SEC61A1: variants seen among roughly 807,000 people sequenced by gnomAD.
The protein encoded by SEC61A1 is protein transport protein Sec61 subunit alpha isoform 1.
In SEC61A1, 15 loss-of-function variants were observed where a neutral mutation model predicts 55.2. That is an observed-to-expected ratio of 0.27 (90% CI 0.18 to 0.42). The LOEUF is 0.42. Among genes scored for constraint, SEC61A1 ranks in the 10% least tolerant of loss-of-function variants. SEC61A1 has a pLI of 1.00. For missense variants in SEC61A1, 284 were observed against 602.6 expected (o/e 0.47, Z 5.53); for synonymous variants, 247 against 234.0 (o/e 1.06, Z -0.51).
intron 8 of SEC61A1, chr3:128,066,640 T>C: frequency 5.3e-6 from 2 of 374,082 alleles, no homozygotes; most frequent in South Asian, 8.1e-5. Context: ...CCCAGGCTGG[T>C]ATCGAACTTC....
intron 8 of SEC61A1, among the ~76,000 whole-genome samples, chr3:128,065,732 A>ATTTTTTTTTTTTTT (rs758640768): frequency 2.1e-5 from 2 of 97,528 alleles, no homozygotes; most frequent in Non-Finnish European, 1.9e-5. Context: ...ATCATTAAGA[A>ATTTTTTTTTTTTTT]TTTTTTTTTT....
At chr3:128,052,703 C>T in intron 1 of SEC61A1, 132 bp from the exon 2 acceptor site, 1 of 1,507,090 alleles carries the variant, frequency 6.6e-7, no homozygotes, top group Admixed American at 2.0e-5. Flanking sequence ...TCGAGTATCC[C>T]CACGCGTCCG....
chr3:128,051,801 C>CCG, upstream of SEC61A1: 1 of 1,533,378 alleles, frequency 6.5e-7, no homozygotes, highest in Non-Finnish European at 8.7e-7. Flanking sequence ...CGGCCCTTCT[C>CCG]CGGCCAAGTC....
chr3:128,068,153 G>GGTCA lies in SEC61A1; in HGVS notation c.1244+95_1244+98dup, dbSNP rs1458812270. ...TCCTGATAGGCCCTAGCACTTACTGGGTCACTAAATCTTATCCTTGGGTTA... is the reference window on the plus strand; with the variant it reads ...TCCTGATAGGCCCTAGCACTTACTGGGTCAGTCACTAAATCTTATCCTTGGGTTA... On this transcript the variant is annotated intron_variant, in intron 11 of 11. Transcript: ENST00000243253. The GGTCA allele has an allele frequency of 6.6e-5, 58 of 878,568 alleles. 1 individual carries two copies. In the East Asian group the frequency reaches 1.2e-3, roughly 18 times the overall value. 54.4% of individuals were successfully genotyped at this position (878,568 alleles called of 1,614,324 possible). A position where few individuals can be genotyped will look rare whatever the true frequency, so the allele number is the denominator to read the frequency against.
At chr3:128,057,081 G>A (rs929380631) in intron 5 of SEC61A1, among the ~76,000 whole-genome samples, 7 of 152,038 alleles carry the variant, frequency 4.6e-5, no homozygotes, top group African/African-American at 1.2e-4. Context: ...TTACAGGCAC[G>A]TGCCACCACA....
intron 5 of SEC61A1, among the ~76,000 whole-genome samples, chr3:128,059,387 C>T (rs1277537994): frequency 1.3e-5 from 2 of 151,620 alleles, no homozygotes. Flanking sequence ...GCAGGAAAAT[C>T]GCTTGAACCT....
At chr3:128,053,281 A>G (rs1172850687) in intron 2 of SEC61A1, among the ~76,000 whole-genome samples, 1 of 152,096 alleles carries the variant, frequency 6.6e-6, no homozygotes, top group Non-Finnish European at 1.5e-5. Flanking sequence ...TTTTCCCAGG[A>G]GATGCCCTTT....
In SEC61A1 at chr3:128,067,034, G is replaced by A. The variant is rs763828160; in HGVS notation, c.858G>A (p.Thr286=). The change falls in exon 9 of 12, where the codon ACG becomes ACA. Residue 286 remains threonine, a synonymous_variant. Coordinates refer to ENST00000243253, the MANE Select transcript of SEC61A1 (RefSeq NM_013336.4). This position sits in a 1 kb window ranked among gnomAD's most constrained non-coding sequence, Gnocchi z 4.1. ...YNTYPIKLFY[T]SNIPIILQSA... ...CCTATCCCATCAAGCTCTTCTATAC[G>A]TCCAACATCCCCATCATCCTGCAGT... The A allele has an allele frequency of 9.3e-6, 15 of 1,614,032 alleles. No homozygotes were observed. Among genetic ancestry groups the A allele is most frequent in the Middle Eastern group, 1.6e-4 (1 of 6,084 alleles).
chr3:128,053,390 C>T (rs1356147495), intron 2 of SEC61A1, among the ~76,000 whole-genome samples: 2 of 152,026 alleles, frequency 1.3e-5, no homozygotes, highest in Non-Finnish European at 2.9e-5. Context: ...AAAGGCTATT[C>T]TTTTGTGAAG....
intron 5 of SEC61A1, among the ~76,000 whole-genome samples, chr3:128,059,703 G>C (rs986151667): frequency 2.6e-5 from 4 of 152,114 alleles, no homozygotes; most frequent in Non-Finnish European, 5.9e-5. Context: ...GAGCCATCGA[G>C]ACCCCAAGTG....
At chr3:128,064,076 T>C (rs183609130) in intron 7 of SEC61A1, among the ~76,000 whole-genome samples, 53 of 152,278 alleles carry the variant, frequency 3.5e-4, no homozygotes, top group African/African-American at 1.1e-3. Flanking sequence ...TCCTCTGTAC[T>C]TGTATCCTTG....
rs1941699222 is a variant in SEC61A1 at position 128,052,440 on chromosome 3, G to T, written c.-113G>T. ...CGCTTGCCGCCGGGCTAGCACTGACGTGTCTCTCGGCGGAGCTGCTGTGCA... is the reference window on the plus strand; with the variant it reads ...CGCTTGCCGCCGGGCTAGCACTGACTTGTCTCTCGGCGGAGCTGCTGTGCA... On this transcript the variant is annotated 5_prime_UTR_variant, in exon 1 of 12. Coordinates refer to ENST00000243253, the MANE Select transcript of SEC61A1 (RefSeq NM_013336.4). 3 of 1,419,786 alleles carry T rather than the reference G, an allele frequency of 2.1e-6. No homozygotes were observed. Among genetic ancestry groups the T allele is most frequent in the Non-Finnish European group, 2.8e-6 (3 of 1,083,854 alleles). The allele number at this position is 1,419,786 out of a possible 1,614,324, so 87.9% of individuals were successfully genotyped here.
At position 128,067,701 on chromosome 3, in the gene SEC61A1, C is replaced by G. The variant is rs1386765010; in HGVS notation, c.1167+89C>G. The G allele has an allele frequency of 2.7e-6, 3 of 1,094,840 alleles. No homozygotes were observed. Among genetic ancestry groups the G allele is most frequent in the Non-Finnish European group, 4.0e-6 (3 of 751,690 alleles). 67.8% of individuals were successfully genotyped at this position (1,094,840 alleles called of 1,614,324 possible). A position where few individuals can be genotyped will look rare whatever the true frequency, so the allele number is the denominator to read the frequency against. On this transcript the variant is annotated intron_variant, in intron 10 of 11. Transcript: ENST00000243253. This position sits in a 1 kb window ranked among gnomAD's most constrained non-coding sequence, Gnocchi z 4.1. ...TTGTCACCTCATCATAAATAATGGT[C>G]TGTGACGTGTGCAGATAGATCGTCG...
At chr3:128,058,879 CAAAA>C (rs201908669) in intron 5 of SEC61A1, among the ~76,000 whole-genome samples, 4 of 152,064 alleles carry the variant, frequency 2.6e-5, no homozygotes, top group African/African-American at 9.7e-5. Context: ...ACTAAGAAAA[CAAAA>C]AAAGTACAAG....
At chr3:128,058,575 C>T (rs1372419937) in intron 5 of SEC61A1, among the ~76,000 whole-genome samples, 1 of 152,158 alleles carries the variant, frequency 6.6e-6, no homozygotes, top group Admixed American at 6.5e-5. Context: ...AAAATACACA[C>T]ATGTGGCTGG....
At position 128,064,867 on chromosome 3, in the gene SEC61A1, C is replaced by T. The variant is rs989043834; in HGVS notation, c.617-10C>T. ...CGTTCCTTCATATATGTCTCCTCCT[C>T]TGCCAACAGGAATGGAATTTGAAGG... is the stretch of plus-strand genomic sequence containing the variant. On this transcript the variant is annotated splice_polypyrimidine_tract_variant and intron_variant, in intron 7 of 11. Transcript: ENST00000243253. 1.3e-6 allele frequency: 2 copies of T among 1,586,308 alleles called. No homozygotes were observed. Among genetic ancestry groups the T allele is most frequent in the African/African-American group, 1.3e-5 (1 of 74,230 alleles).
At chr3:128,062,530 G>A (rs1217039054) in intron 7 of SEC61A1, among the ~76,000 whole-genome samples, 2 of 152,234 alleles carry the variant, frequency 1.3e-5, no homozygotes, top group Non-Finnish European at 2.9e-5. Flanking sequence ...GATGGGAATT[G>A]ACGAAAGACC....
Position 128,059,701 on chromosome 3 carries a change from G to A in SEC61A1, c.353-401G>A, listed in dbSNP as rs575241735. 2.0e-5 allele frequency among the ~76,000 whole-genome samples: 3 copies of A among 152,040 alleles called. 1 individual carries two copies. The highest frequency in any genetic ancestry group is 4.2e-4 in the South Asian group (2 of 4,808). On this transcript the variant is annotated intron_variant, in intron 5 of 11. Coordinates refer to ENST00000243253, the MANE Select transcript of SEC61A1 (RefSeq NM_013336.4). ...TCTGTAGTTCAGCTCTTGAGCCATC[G>A]AGACCCCAAGTGCCTGACATTGAGT... is the stretch of plus-strand genomic sequence containing the variant.
At chr3:128,064,598 C>T (rs1941905566) in intron 7 of SEC61A1, among the ~76,000 whole-genome samples, 1 of 152,226 alleles carries the variant, frequency 6.6e-6, no homozygotes, top group East Asian at 1.9e-4. Flanking sequence ...CAGTGAGCTG[C>T]AACCACACCA....
Sources: gnomAD v4.1 joint callset for allele counts (sites outside exome capture counted in the v4.1 genomes callset) on GRCh38, gnomAD v4.1.1 for gene constraint, Gnocchi (gnomAD v3.1) non-coding constraint, MANE v1.5 for transcripts, NCBI Gene and HGNC (gene_info 2026-07-23, HGNC 2026-07-21) for gene names.